FREM1: variants seen among roughly 807,000 people sequenced by gnomAD.
FREM1 encodes FRAS1 related extracellular matrix 1.
FREM1 carries 220 observed loss-of-function variants against 210.1 expected under a neutral mutation model. The ratio of observed to expected loss-of-function variants is 1.05; its 90% confidence interval spans 0.94 to 1.17. FREM1 has a LOEUF of 1.17. FREM1 is among the 50% of genes most tolerant of loss of function. The pLI is 0.00. For synonymous variants in FREM1, 1,189 were observed against 980.2 expected (o/e 1.21, Z -3.98); for missense variants, 3,454 against 2,675.5 (o/e 1.29, Z -6.42).
chr9:14,771,761 T>G (rs979318323), intron 25 of FREM1, among the ~76,000 whole-genome samples: 23 of 152,194 alleles, frequency 1.5e-4, no homozygotes, highest in Admixed American at 3.3e-4. Context: ...GATAAGACCA[T>G]GTATATTTTT....
rs1289036890 is a variant in FREM1, at chr9:14,762,696, T to C, written c.5205-2795A>G. Among the ~76,000 whole-genome samples the C allele has an allele frequency of 2.0e-5, 3 of 151,570 alleles. No individual in the cohort carries two copies. The East Asian group carries it at 5.8e-4, about 29-fold the overall frequency. ...AGGCTATATATTTTTGAGAAAAATA[T>C]CTAAATAGCAAAGGACCTGCATACC... On this transcript the variant is annotated intron_variant, in intron 27 of 36. Transcript: ENST00000380880.
At chr9:14,860,260 A>C (rs1829560617) in intron 3 of FREM1, among the ~76,000 whole-genome samples, 1 of 152,078 alleles carries the variant, frequency 6.6e-6, no homozygotes, top group African/African-American at 2.4e-5. Context: ...GGGCTCAGGT[A>C]GCTTGCCAAA....
rs1825902388 is a variant in FREM1, at chr9:14,842,713, C to T, written c.1394-53G>A. The T allele has an allele frequency of 9.9e-6, 13 of 1,315,976 alleles. No individual in the cohort carries two copies. In the Admixed American group the frequency reaches 2.1e-4, roughly 21 times the overall value. 81.5% of individuals were successfully genotyped at this position (1,315,976 alleles called of 1,614,324 possible). A position where few individuals can be genotyped will look rare whatever the true frequency, so the allele number is the denominator to read the frequency against. ...ATTGAGCAAGGGAGTGCAGAAGCAGCAGCTGTGGGGAAAGCATCAATACAG... is the reference window on the plus strand; with the variant it reads ...ATTGAGCAAGGGAGTGCAGAAGCAGTAGCTGTGGGGAAAGCATCAATACAG... On this transcript the variant is annotated intron_variant, in intron 8 of 36. Coordinates refer to ENST00000380880, the MANE Select transcript of FREM1 (RefSeq NM_001379081.2).
chr9:14,873,640 T>G (rs1833145200), intron 1 of FREM1, among the ~76,000 whole-genome samples: 1 of 152,238 alleles, frequency 6.6e-6, no homozygotes, highest in Non-Finnish European at 1.5e-5. Context: ...ATTAATTTTT[T>G]GAAGGGTTTT....
In FREM1 at chr9:14,868,978, G is replaced by C; in HGVS notation, c.-1C>G. ...CAGCCCCCCAACTCAGAGAGTTCAT[G>C]CTGACAGGGCCCAACTCTTCTCTGT... On this transcript the variant is annotated 5_prime_UTR_variant, in exon 2 of 37. Transcript: ENST00000380880. 6.4e-7 allele frequency: 1 copy of C among 1,559,426 alleles called. No individual in the cohort carries two copies. Among genetic ancestry groups the C allele is most frequent in the Non-Finnish European group, 8.7e-7 (1 of 1,154,182 alleles).
At chr9:14,740,493 A>G (rs979060602) in intron 35 of FREM1, among the ~76,000 whole-genome samples, 2 of 152,198 alleles carry the variant, frequency 1.3e-5, no homozygotes, top group African/African-American at 2.4e-5. Context: ...AAACATAAAC[A>G]GTAGGTTTCA....
intron 3 of FREM1, among the ~76,000 whole-genome samples, chr9:14,860,577 A>ATGTG (rs2131589704): frequency 2.7e-4 from 37 of 138,810 alleles, no homozygotes; most frequent in African/African-American, 1.0e-3. Context: ...ATACACATAT[A>ATGTG]TATACACATA....
chr9:14,798,476 G>T (rs1306812076), intron 20 of FREM1, among the ~76,000 whole-genome samples: 1 of 151,922 alleles, frequency 6.6e-6, no homozygotes, highest in Admixed American at 6.6e-5. Flanking sequence ...ACACTAGCCA[G>T]GTGACGCCTG....
intron 6 of FREM1, among the ~76,000 whole-genome samples, chr9:14,849,378 C>A (rs1010676585): frequency 6.6e-6 from 1 of 152,174 alleles, no homozygotes; most frequent in African/African-American, 2.4e-5. Context: ...AATATCTCAA[C>A]TTTATTTGCT....
At chr9:14,904,167 T>C (rs1817278469) in intron 1 of FREM1, among the ~76,000 whole-genome samples, 2 of 149,986 alleles carry the variant, frequency 1.3e-5, no homozygotes, top group Admixed American at 1.3e-4. Context: ...TTCTGGGTTA[T>C]AGAGACTAGT....
intron 1 of FREM1, among the ~76,000 whole-genome samples, chr9:14,891,198 A>G (rs1044741223): frequency 2.6e-5 from 4 of 152,198 alleles, no homozygotes; most frequent in Non-Finnish European, 5.9e-5. Context: ...TTCGTATTAA[A>G]TCATGTCCAG....
chr9:14,872,449 T>G (rs1460133194), intron 1 of FREM1, among the ~76,000 whole-genome samples: 1 of 152,236 alleles, frequency 6.6e-6, no homozygotes, highest in Non-Finnish European at 1.5e-5. Context: ...GGGACTTCAC[T>G]CATGACTTGG....
At chr9:14,882,124 T>TGTGC (rs1834902333) in intron 1 of FREM1, among the ~76,000 whole-genome samples, 1 of 152,180 alleles carries the variant, frequency 6.6e-6, no homozygotes, top group South Asian at 2.1e-4. Flanking sequence ...TGTGTGTGTG[T>TGTGC]GTGACTCATG....
chr9:14,908,139 G>T (rs1240392567), intron 1 of FREM1, among the ~76,000 whole-genome samples: 1 of 152,176 alleles, frequency 6.6e-6, no homozygotes, highest in Non-Finnish European at 1.5e-5. Context: ...TTAAACGCCA[G>T]AAAATGCAAG....
chr9:14,766,081 G>A (rs575283010), intron 27 of FREM1, among the ~76,000 whole-genome samples: 11 of 152,166 alleles, frequency 7.2e-5, no homozygotes, highest in East Asian at 5.8e-4. Flanking sequence ...AATAAGATGC[G>A]CACTCACTTA....
intron 1 of FREM1, among the ~76,000 whole-genome samples, chr9:14,878,174 G>A (rs994050674): frequency 6.6e-6 from 1 of 152,098 alleles, no homozygotes; most frequent in Non-Finnish European, 1.5e-5. Flanking sequence ...TAGAATAAAG[G>A]TGAAGCCCTG....
rs187617501 is a variant in FREM1, at chr9:14,759,497, C to T, written c.5334+275G>A. ...TGCACTCCAGCCTGGGCGACAAGAG[C>T]GAGACTTTGTCTCAAAATAACAATA... On this transcript the variant is annotated intron_variant, in intron 28 of 36. Coordinates refer to ENST00000380880, the MANE Select transcript of FREM1 (RefSeq NM_001379081.2). Among the ~76,000 whole-genome samples, 83 of 46,654 alleles carry T rather than the reference C, an allele frequency of 1.8e-3. 1 individual carries two copies. Among genetic ancestry groups the T allele is most frequent in the Non-Finnish European group, 2.6e-3 (61 of 23,594 alleles). 30.6% of individuals were successfully genotyped at this position (46,654 alleles called of 152,430 possible). A position where few individuals can be genotyped will look rare whatever the true frequency, so the allele number is the denominator to read the frequency against.
chr9:14,885,048 C>A (rs569742806), intron 1 of FREM1, among the ~76,000 whole-genome samples: 1 of 143,654 alleles, frequency 7.0e-6, no homozygotes, highest in Non-Finnish European at 1.5e-5. Flanking sequence ...CCTCAGCCCC[C>A]CGAGTGGCTG....
At chr9:14,789,611 G>T (rs1316636166) in intron 22 of FREM1, among the ~76,000 whole-genome samples, 1 of 152,096 alleles carries the variant, frequency 6.6e-6, no homozygotes. Context: ...TTACTCCCCA[G>T]TATGTTTCCA....
Sources: allele counts gnomAD v4.1 joint callset (sites outside exome capture counted in the v4.1 genomes callset), GRCh38; gene constraint gnomAD v4.1.1; transcripts MANE v1.5; gene names NCBI Gene and HGNC (gene_info 2026-07-23, HGNC 2026-07-21).